Variants in DNM3 observed in about 807,000 individuals in gnomAD.
DNM3 encodes the protein dynamin 3.
Under a neutral mutation model 101.6 loss-of-function variants are expected in DNM3, and 47 were observed. The observed-to-expected ratio is 0.46, with a 90% CI of 0.37 to 0.59. DNM3 has a LOEUF of 0.59. Among genes scored for constraint, DNM3 ranks in the 20% least tolerant of loss-of-function variants. DNM3 has a pLI of 0.00. For missense variants in DNM3, 849 were observed against 1,085.7 expected, an observed-to-expected ratio of 0.78 and a Z score of 3.06; for synonymous variants, 385 against 387.9, an observed-to-expected ratio of 0.99 and a Z score of 0.09.
chr1:172,085,868 G>A (rs2053495552), intron 12 of DNM3, among the ~76,000 whole-genome samples: 1 of 151,922 alleles, frequency 6.6e-6, no homozygotes, highest in Non-Finnish European at 1.5e-5. Flanking sequence ...AATGTTTCTA[G>A]TTCCTAATCT....
chr1:172,136,866 T>C (rs1281392522), intron 14 of DNM3: 1 of 152,184 alleles, frequency 6.6e-6, no homozygotes, highest in Non-Finnish European at 1.5e-5. Context: ...TAAATGTGCC[T>C]CATTTAATGA....
chr1:172,209,268 G>A (rs946987214), intron 14 of DNM3, among the ~76,000 whole-genome samples: 21 of 151,976 alleles, frequency 1.4e-4, no homozygotes, highest in African/African-American at 4.6e-4. Context: ...GCCAAGGGGA[G>A]AGGCCTCAGG....
chr1:171,877,504 G>C (rs2035888588), intron 1 of DNM3, among the ~76,000 whole-genome samples: 1 of 152,116 alleles, frequency 6.6e-6, no homozygotes, highest in Non-Finnish European at 1.5e-5. Context: ...GTGAAATTGG[G>C]CTACCTTGAG....
intron 4 of DNM3, among the ~76,000 whole-genome samples, chr1:172,010,620 T>A (rs1431065394): frequency 1.4e-5 from 2 of 142,186 alleles, no homozygotes; most frequent in African/African-American, 5.2e-5. Flanking sequence ...GCTATTTTTT[T>A]TTTTTTTTTT....
intron 16 of DNM3, among the ~76,000 whole-genome samples, chr1:172,320,097 T>C (rs971614084): frequency 2.8e-4 from 42 of 150,110 alleles, no homozygotes; most frequent in Non-Finnish European, 4.7e-4. Flanking sequence ...ATGGATGAAA[T>C]TGGAAATCAC....
At chr1:172,185,053 A>G (rs2059476171) in intron 14 of DNM3, among the ~76,000 whole-genome samples, 1 of 152,138 alleles carries the variant, frequency 6.6e-6, no homozygotes, top group Admixed American at 6.6e-5. Context: ...TAGTCAACAC[A>G]TAGGGGCAGC....
At chr1:172,415,524 G>GTTTTTTTTTTTTTTTTTTTTTT (rs386368747), downstream of DNM3, 2 of 99,128 alleles carry the variant, frequency 2.0e-5, no homozygotes, top group Non-Finnish European at 3.8e-5. Flanking sequence ...TTTTTTGTGA[G>GTTTTTTTTTTTTTTTTTTTTTT]TTTTTTTTTT....
rs1477268569 is a variant in DNM3, at chr1:172,389,401, T to C, written c.2522+592T>C. Among the ~76,000 whole-genome samples the C allele has an allele frequency of 3.3e-5, 5 of 151,534 alleles. No homozygotes were observed. The East Asian group carries it at 9.6e-4, about 29-fold the overall frequency. On this transcript the variant is annotated intron_variant, in intron 20 of 20. Coordinates refer to ENST00000627582, the MANE Select transcript of DNM3 (RefSeq NM_015569.5). ...CACTAATCATATATAAGATAGATCA[T>C]TGTACATCTGAATAATACGTGTTGA...
At chr1:172,020,405 C>G (rs1454347242) in intron 4 of DNM3, among the ~76,000 whole-genome samples, 1 of 152,138 alleles carries the variant, frequency 6.6e-6, no homozygotes, top group African/African-American at 2.4e-5. Flanking sequence ...AATGACTTCT[C>G]TTAAGGTCAG....
At chr1:172,143,043 A>G (rs1378675401) in intron 14 of DNM3, among the ~76,000 whole-genome samples, 1 of 152,086 alleles carries the variant, frequency 6.6e-6, no homozygotes, top group Admixed American at 6.6e-5. Flanking sequence ...TATTTTAACT[A>G]ATAATCATGA....
chr1:172,194,682 C>T (rs902537136), intron 14 of DNM3, among the ~76,000 whole-genome samples: 1 of 151,978 alleles, frequency 6.6e-6, no homozygotes, highest in African/African-American at 2.4e-5. Flanking sequence ...AGGATTGCAA[C>T]CCCTACTTTT....
chr1:172,105,437 C>G (rs1315961786), intron 13 of DNM3, among the ~76,000 whole-genome samples: 1 of 152,206 alleles, frequency 6.6e-6, no homozygotes, highest in Non-Finnish European at 1.5e-5. Flanking sequence ...GAACTCTTAA[C>G]CTAGAGTCCA....
At chr1:172,377,267 C>T (rs1228152343) in intron 17 of DNM3, among the ~76,000 whole-genome samples, 6 of 151,478 alleles carry the variant, frequency 4.0e-5, no homozygotes, top group Admixed American at 1.3e-4. Flanking sequence ...ACGATGATAC[C>T]CCTGTCCTAA....
chr1:172,316,470 C>T (rs1276292823), intron 16 of DNM3, among the ~76,000 whole-genome samples: 1 of 152,074 alleles, frequency 6.6e-6, no homozygotes, highest in African/African-American at 2.4e-5. Flanking sequence ...CAAGACCCAT[C>T]AGTGTGCTGT....
intron 4 of DNM3, among the ~76,000 whole-genome samples, chr1:172,020,524 T>C (rs1306580393): frequency 1.3e-5 from 2 of 151,740 alleles, no homozygotes; most frequent in Non-Finnish European, 2.9e-5. Context: ...ATGGAGACTA[T>C]ACTGGCTAAC....
chr1:172,053,692 A>G (rs2050369729), intron 10 of DNM3, among the ~76,000 whole-genome samples: 1 of 152,216 alleles, frequency 6.6e-6, no homozygotes, highest in South Asian at 2.1e-4. Flanking sequence ...GTTTTAAAAT[A>G]GTATTTTAGC....
chr1:172,388,615 A>G lies in DNM3; in HGVS notation c.2328A>G (p.Leu776=). The change falls in exon 20 of 21, where the codon CTA becomes CTG. Residue 776 remains leucine, a synonymous_variant. Transcript: ENST00000627582. ...CCACAACCCAAAGGAGGCCAACACT[A>G]AGTGCTCCCCTCGCAAGGCCCACAT... ...PSPTTQRRPT[L]SAPLARPTSG... 1 of 1,613,986 alleles carries G rather than the reference A, an allele frequency of 6.2e-7. No individual in the cohort carries two copies. The highest frequency in any genetic ancestry group is 8.5e-7 in the Non-Finnish European group (1 of 1,179,882).
At chr1:172,335,728 G>C (rs1056565328) in intron 17 of DNM3, among the ~76,000 whole-genome samples, 3 of 152,076 alleles carry the variant, frequency 2.0e-5, no homozygotes, top group Non-Finnish European at 2.9e-5. Context: ...CTTATAAGTG[G>C]GAGCTAAACA....
chr1:172,283,229 C>T (rs2063555804), intron 15 of DNM3, among the ~76,000 whole-genome samples: 1 of 152,148 alleles, frequency 6.6e-6, no homozygotes, highest in South Asian at 2.1e-4. Context: ...AGATATCTTC[C>T]CTTGGCCTTT....
Sources: allele counts gnomAD v4.1 joint callset (sites outside exome capture counted in the v4.1 genomes callset), GRCh38; gene constraint gnomAD v4.1.1; transcripts MANE v1.5; gene names NCBI Gene and HGNC (gene_info 2026-07-23, HGNC 2026-07-21).